The following DCC variants were observed in gnomAD, a reference collection of about 807,000 sequenced individuals.
DCC encodes the protein netrin receptor DCC.
DCC carries 58 observed loss-of-function variants against 172.5 expected under a neutral mutation model. The observed-to-expected ratio is 0.34, with a 90% CI of 0.27 to 0.42. DCC has a LOEUF of 0.42. DCC is among the 10% of genes least tolerant of loss of function. The pLI is 1.00. For missense variants in DCC, 1,740 were observed against 1,791.0 expected, an observed-to-expected ratio of 0.97 and a Z score of 0.51; for synonymous variants, 709 against 644.5, an observed-to-expected ratio of 1.10 and a Z score of -1.52.
In DCC at chr18:53,194,332, G is replaced by A. The variant is rs74449736; in HGVS notation, c.1574-10884G>A. Among the ~76,000 whole-genome samples the A allele has an allele frequency of 4.7e-4, 72 of 152,250 alleles. No homozygotes were observed. The East Asian group carries it at 0.01, about 21-fold the overall frequency. ...GATATAACAACAAATGAAACTCGAT[G>A]TGGATTATTTATGAGGAGGTTAAAA... On this transcript the variant is annotated intron_variant, in intron 9 of 28. Transcript: ENST00000442544.
At chr18:52,967,946 AG>A (rs2040962666) in intron 5 of DCC, among the ~76,000 whole-genome samples, 1 of 152,190 alleles carries the variant, frequency 6.6e-6, no homozygotes, top group Admixed American at 6.5e-5. Flanking sequence ...TTGAGATTTT[AG>A]ACGCATTAAA....
intron 22 of DCC, among the ~76,000 whole-genome samples, chr18:53,437,553 A>AGC (rs1220093355): frequency 7.5e-6 from 1 of 133,840 alleles, no homozygotes; most frequent in East Asian, 2.5e-4. Flanking sequence ...ACTACACTAC[A>AGC]GCCTGGGCAA....
intron 1 of DCC, among the ~76,000 whole-genome samples, chr18:52,475,673 C>T (rs55968833): frequency 0.045 from 6,888 of 152,078 alleles, 198 homozygotes; most frequent in South Asian, 0.12. Context: ...CATACCTTTC[C>T]GAGCTGTGTG....
At chr18:53,378,626 T>C (rs1232175917) in intron 15 of DCC, among the ~76,000 whole-genome samples, 2 of 152,238 alleles carry the variant, frequency 1.3e-5, no homozygotes, top group South Asian at 2.1e-4. Flanking sequence ...CTGTGTCTCA[T>C]ACATTCAGCA....
At chr18:53,216,743 T>G (rs2055858080) in intron 12 of DCC, among the ~76,000 whole-genome samples, 1 of 152,132 alleles carries the variant, frequency 6.6e-6, no homozygotes, top group Admixed American at 6.5e-5. Context: ...TCTTATACTT[T>G]TAGGCAATAT....
chr18:53,293,726 C>T (rs1053175469), intron 12 of DCC, among the ~76,000 whole-genome samples: 1 of 152,142 alleles, frequency 6.6e-6, no homozygotes, highest in African/African-American at 2.4e-5. Flanking sequence ...TTTGGGGCTA[C>T]AGTTGAATTA....
chr18:53,283,329 A>T (rs1466969361), intron 12 of DCC, among the ~76,000 whole-genome samples: 1 of 152,110 alleles, frequency 6.6e-6, no homozygotes, highest in African/African-American at 2.4e-5. Context: ...ATTCTGTTCT[A>T]TTCCAGGAAA....
At chr18:52,686,714 A>C (rs2035841762) in intron 1 of DCC, among the ~76,000 whole-genome samples, 1 of 152,134 alleles carries the variant, frequency 6.6e-6, no homozygotes, top group Admixed American at 6.6e-5. Context: ...GCTCCTTTGC[A>C]TATCACCCTA....
At chr18:52,823,329 T>C (rs114968208) in intron 2 of DCC, among the ~76,000 whole-genome samples, 1,983 of 152,288 alleles carry the variant, frequency 0.013, 35 homozygotes, top group African/African-American at 0.045. Context: ...TCTACTGAAT[T>C]CTGGGTGGAT....
chr18:53,286,309 G>A (rs2056934877), intron 12 of DCC, among the ~76,000 whole-genome samples: 1 of 152,036 alleles, frequency 6.6e-6, no homozygotes, highest in South Asian at 2.1e-4. Flanking sequence ...TGAATCATGG[G>A]GGCAGGTCTT....
chr18:53,037,843 T>C (rs901295686), intron 5 of DCC, among the ~76,000 whole-genome samples: 1 of 150,950 alleles, frequency 6.6e-6, no homozygotes, highest in African/African-American at 2.4e-5. Context: ...CTTGAAAGGA[T>C]TTTTTTTTAA....
intron 1 of DCC, among the ~76,000 whole-genome samples, chr18:52,393,612 C>A (rs1462986904): frequency 1.3e-5 from 2 of 152,030 alleles, no homozygotes; most frequent in Non-Finnish European, 1.5e-5. Context: ...GGAACAAAAC[C>A]AAGCCCTGCT....
chr18:52,518,906 T>A (rs972072685), intron 1 of DCC, among the ~76,000 whole-genome samples: 2 of 152,204 alleles, frequency 1.3e-5, no homozygotes, highest in Non-Finnish European at 2.9e-5. Flanking sequence ...CTCAGGCAGA[T>A]TAATCACCTG....
At chr18:52,792,290 C>A (rs1441158156) in intron 2 of DCC, among the ~76,000 whole-genome samples, 1 of 152,170 alleles carries the variant, frequency 6.6e-6, no homozygotes, top group Non-Finnish European at 1.5e-5. Flanking sequence ...TCTTTCCAAA[C>A]AAGATTATTT....
rs185068971 is a variant in DCC at position 53,352,258 on chromosome 18, T to C, written c.2359+12351T>C. 3.0e-3 allele frequency among the ~76,000 whole-genome samples: 457 copies of C among 152,236 alleles called. 16 individuals carry two copies. The highest frequency in any genetic ancestry group is 0.029 in the Admixed American group (442 of 15,274). ...CAGTACAAGTGCCAGAGTTTAATCA[T>C]AGAGGTATTTATTATTTGTTCTGTG... On this transcript the variant is annotated intron_variant, in intron 15 of 28. Coordinates refer to ENST00000442544, the MANE Select transcript of DCC (RefSeq NM_005215.4).
intron 12 of DCC, among the ~76,000 whole-genome samples, chr18:53,268,061 T>C (rs2056703180): frequency 6.6e-6 from 1 of 152,150 alleles, no homozygotes. Flanking sequence ...AGAGCTTCCA[T>C]TGTATCTGAA....
At chr18:53,078,912 C>G (rs1477411294) in intron 7 of DCC, among the ~76,000 whole-genome samples, 2 of 152,120 alleles carry the variant, frequency 1.3e-5, no homozygotes, top group Non-Finnish European at 2.9e-5. Context: ...AACAGAAAAG[C>G]CAGTTTCCCA....
chr18:52,534,550 G>A (rs564773245), intron 1 of DCC, among the ~76,000 whole-genome samples: 64 of 152,132 alleles, frequency 4.2e-4, no homozygotes, highest in Admixed American at 3.1e-3. Context: ...CATTTATTGC[G>A]CAAATATTTA....
At chr18:53,300,263 G>A (rs187851755) in intron 12 of DCC, among the ~76,000 whole-genome samples, 1 of 152,136 alleles carries the variant, frequency 6.6e-6, no homozygotes. Context: ...GTGCTTTGTG[G>A]TTATGCTTAG....
Sources: allele counts gnomAD v4.1 joint callset (sites outside exome capture counted in the v4.1 genomes callset), GRCh38; gene constraint gnomAD v4.1.1; transcripts MANE v1.5; gene names NCBI Gene and HGNC (gene_info 2026-07-23, HGNC 2026-07-21).